PARD3: variants seen among roughly 807,000 people sequenced by gnomAD.
The protein encoded by PARD3 is partitioning defective 3 homolog.
PARD3 carries 75 observed loss-of-function variants against 155.4 expected under a neutral mutation model. The ratio of observed to expected loss-of-function variants is 0.48; its 90% CI spans 0.40 to 0.58. The LOEUF is 0.58. Among genes scored for constraint, PARD3 ranks in the 20% least tolerant of loss-of-function variants. The pLI, the probability that PARD3 is intolerant of heterozygous loss-of-function variation, is 0.00. For synonymous variants in PARD3, 576 were observed against 610.5 expected (o/e 0.94, Z 0.83); for missense variants, 1,642 against 1,721.7 (o/e 0.95, Z 0.82).
At chr10:34,674,302 C>A (rs2078343459) in intron 2 of PARD3, among the ~76,000 whole-genome samples, 1 of 152,066 alleles carries the variant, frequency 6.6e-6, no homozygotes, top group South Asian at 2.1e-4. Flanking sequence ...TCAGAATAAC[C>A]TGCCCCTTAA....
chr10:34,382,976 A>C, intron 8 of PARD3, 54 bp from the exon 9 acceptor site: 1 of 1,572,450 alleles, frequency 6.4e-7, no homozygotes, highest in South Asian at 1.1e-5. Context: ...AGACTAGAAG[A>C]TATTATGAGC....
chr10:34,803,088 A>C (rs1426254692), intron 1 of PARD3, among the ~76,000 whole-genome samples: 1 of 150,932 alleles, frequency 6.6e-6, no homozygotes, highest in Non-Finnish European at 1.5e-5. Flanking sequence ...AAAAAAAAAA[A>C]ATTAGCTGGG....
intron 2 of PARD3, among the ~76,000 whole-genome samples, chr10:34,595,886 G>A (rs1004900680): frequency 1.3e-5 from 2 of 152,098 alleles, no homozygotes; most frequent in Non-Finnish European, 2.9e-5. Context: ...CAGCACTTTG[G>A]GAGGCCAACG....
rs150058603 is a variant in PARD3 at position 34,111,140 on chromosome 10, G to A, written c.*29C>T. ...TTCATAGGAAAATGTCTTTTATTGCGCGACATGAAGCATCCGTTATTTGCG... is the reference window on the plus strand; with the variant it reads ...TTCATAGGAAAATGTCTTTTATTGCACGACATGAAGCATCCGTTATTTGCG... On this transcript the variant is annotated 3_prime_UTR_variant, in exon 25 of 25. Coordinates refer to ENST00000374788, the MANE Select transcript of PARD3 (RefSeq NM_001184785.2). 10,643 of 1,513,620 alleles carry A rather than the reference G, an allele frequency of 7.0e-3. 75 individuals carry two copies. Among genetic ancestry groups the A allele is most frequent in the Non-Finnish European group, 6.7e-3 (7,632 of 1,131,064 alleles). 93.8% of individuals were successfully genotyped at this position (1,513,620 alleles called of 1,614,324 possible). A position where few individuals can be genotyped will look rare whatever the true frequency, so the allele number is the denominator to read the frequency against.
intron 2 of PARD3, among the ~76,000 whole-genome samples, chr10:34,604,269 T>G (rs942490208): frequency 6.6e-6 from 1 of 152,156 alleles, no homozygotes; most frequent in Non-Finnish European, 1.5e-5. Flanking sequence ...TGTGTGGGTG[T>G]TGCCAAAAGA....
At chr10:34,249,806 G>C (rs899975650) in intron 22 of PARD3, among the ~76,000 whole-genome samples, 6 of 152,142 alleles carry the variant, frequency 3.9e-5, no homozygotes, top group African/African-American at 1.4e-4. Context: ...CTCCGCATGA[G>C]AGCCATACTC....
chr10:34,393,062 G>C (rs940571975), intron 7 of PARD3, among the ~76,000 whole-genome samples: 2 of 150,672 alleles, frequency 1.3e-5, no homozygotes, highest in Admixed American at 6.7e-5. Context: ...CTAAAATACT[G>C]ATTATCTGAC....
chr10:34,474,907 T>C (rs2078609221), intron 3 of PARD3, among the ~76,000 whole-genome samples: 1 of 152,184 alleles, frequency 6.6e-6, no homozygotes, highest in African/African-American at 2.4e-5. Context: ...AAACGTTACA[T>C]TAGCCATAAA....
intron 2 of PARD3, among the ~76,000 whole-genome samples, chr10:34,649,802 T>C (rs757789750): frequency 3.9e-5 from 6 of 152,268 alleles, no homozygotes; most frequent in Non-Finnish European, 7.3e-5. Flanking sequence ...ATAATAACAC[T>C]TGGCTTAAAC....
At chr10:34,251,512 A>G (rs1158828928) in intron 22 of PARD3, among the ~76,000 whole-genome samples, 1 of 152,216 alleles carries the variant, frequency 6.6e-6, no homozygotes, top group African/African-American at 2.4e-5. Context: ...ACAAGAAGTA[A>G]GGCACAGAAG....
chr10:34,559,573 A>T (rs952757880), intron 2 of PARD3, among the ~76,000 whole-genome samples: 11 of 152,262 alleles, frequency 7.2e-5, no homozygotes, highest in African/African-American at 2.7e-4. Flanking sequence ...AAGAATAGAC[A>T]TGCCAACAAA....
intron 2 of PARD3, among the ~76,000 whole-genome samples, chr10:34,563,447 A>C (rs1456318888): frequency 6.6e-6 from 1 of 151,614 alleles, no homozygotes; most frequent in African/African-American, 2.4e-5. Context: ...GCTCACTGCA[A>C]CCTCCACCTC....
chr10:34,553,781 G>C (rs777084024), intron 2 of PARD3, among the ~76,000 whole-genome samples: 1 of 152,140 alleles, frequency 6.6e-6, no homozygotes, highest in Non-Finnish European at 1.5e-5. Context: ...AATAAGCAAT[G>C]TTTTTGTTCA....
chr10:34,754,561 T>C (rs915673722), intron 1 of PARD3, among the ~76,000 whole-genome samples: 1 of 152,244 alleles, frequency 6.6e-6, no homozygotes, highest in Admixed American at 6.5e-5. Context: ...AGAAAGTCTT[T>C]TGTTGCAACA....
chr10:34,495,674 G>A (rs559131142), intron 3 of PARD3, among the ~76,000 whole-genome samples: 15 of 152,296 alleles, frequency 9.8e-5, no homozygotes, highest in Non-Finnish European at 1.9e-4. Context: ...TGTCACAGCA[G>A]AAAGTGAGGA....
At chr10:34,162,414 A>T (rs552598741) in intron 22 of PARD3, among the ~76,000 whole-genome samples, 1 of 152,296 alleles carries the variant, frequency 6.6e-6, no homozygotes, top group South Asian at 2.1e-4. Flanking sequence ...CGATGTCCGC[A>T]TGCCTAATTT....
At chr10:34,657,362 A>C (rs906867174) in intron 2 of PARD3, among the ~76,000 whole-genome samples, 1 of 152,214 alleles carries the variant, frequency 6.6e-6, no homozygotes, top group Non-Finnish European at 1.5e-5. Context: ...ATTGGCCTGA[A>C]ATTCATCTGG....
intron 1 of PARD3, among the ~76,000 whole-genome samples, chr10:34,741,710 A>T (rs1266590095): frequency 6.6e-6 from 1 of 152,204 alleles, no homozygotes; most frequent in African/African-American, 2.4e-5. Context: ...TCTGTGGAGC[A>T]GATGATCCTG....
chr10:34,216,904 A>G (rs1384875889), intron 22 of PARD3, among the ~76,000 whole-genome samples: 1 of 152,236 alleles, frequency 6.6e-6, no homozygotes, highest in Non-Finnish European at 1.5e-5. Context: ...AGCAAATGCC[A>G]TCTTTAAACT....
Sources: allele counts gnomAD v4.1 joint callset (sites outside exome capture counted in the v4.1 genomes callset), GRCh38; gene constraint gnomAD v4.1.1; transcripts MANE v1.5; gene names NCBI Gene and HGNC (gene_info 2026-07-23, HGNC 2026-07-21).